The following TAFA2 variants were observed in gnomAD, a reference collection of about 807,000 sequenced individuals.
TAFA2 encodes chemokine-like protein TAFA-2.
In TAFA2, 7 loss-of-function variants were observed where a neutral mutation model predicts 18.8. That is an observed-to-expected ratio of 0.37 (90% CI 0.21 to 0.70). The LOEUF is 0.70. Among genes scored for constraint, TAFA2 ranks in the 30% least tolerant of loss-of-function variants. The probability of loss-of-function intolerance (pLI) is 0.53; values close to 1 mark genes in which losing one functional copy is unlikely to be tolerated. For missense variants in TAFA2, 122 were observed against 158.1 expected (o/e 0.77, Z 1.23); for synonymous variants, 60 against 54.2 (o/e 1.11, Z -0.47).
chr12:61,897,364 G>A (rs568211056), intron 1 of TAFA2, among the ~76,000 whole-genome samples: 83 of 152,088 alleles, frequency 5.5e-4, no homozygotes, highest in African/African-American at 1.3e-3. Flanking sequence ...TGTAGGTTCC[G>A]CAACCATGAT....
rs770633473 is a variant in TAFA2, at chr12:62,122,624, A to G, written c.-2+68635T>C. Among the ~76,000 whole-genome samples the G allele has an allele frequency of 1.0e-3, 158 of 152,308 alleles. 1 individual carries two copies. The highest frequency in any genetic ancestry group is 1.8e-3 in the Non-Finnish European group (121 of 68,024). On this transcript the variant is annotated intron_variant, in intron 1 of 4. Coordinates refer to ENST00000416284, the MANE Select transcript of TAFA2 (RefSeq NM_178539.5). ...ATTTTCTGATGAACCCAAGATTCCA[A>G]TGTATTACATAGTCCATATATACCC...
At chr12:62,031,446 C>A (rs1195325454) in intron 1 of TAFA2, among the ~76,000 whole-genome samples, 1 of 151,906 alleles carries the variant, frequency 6.6e-6, no homozygotes, top group Non-Finnish European at 1.5e-5. Flanking sequence ...TATTGTGGGA[C>A]CCCGTGATCA....
At chr12:62,091,348 GAT>G (rs1428284646) in intron 1 of TAFA2, among the ~76,000 whole-genome samples, 2 of 151,886 alleles carry the variant, frequency 1.3e-5, no homozygotes, top group African/African-American at 4.8e-5. Flanking sequence ...GTATGTAGTA[GAT>G]ATGTATCTAC....
At chr12:61,906,614 T>C (rs1483960122) in intron 1 of TAFA2, among the ~76,000 whole-genome samples, 1 of 151,986 alleles carries the variant, frequency 6.6e-6, no homozygotes, top group African/African-American at 2.4e-5. Flanking sequence ...TACCCGAAAA[T>C]GTGGAAGTGA....
intron 1 of TAFA2, among the ~76,000 whole-genome samples, chr12:62,120,059 T>C (rs1408609343): frequency 1.3e-5 from 2 of 150,388 alleles, no homozygotes; most frequent in African/African-American, 2.5e-5. Flanking sequence ...CGAAACTCCA[T>C]CTCAAAAAAA....
chr12:62,090,206 C>T (rs1868651126), intron 1 of TAFA2, among the ~76,000 whole-genome samples: 1 of 151,996 alleles, frequency 6.6e-6, no homozygotes, highest in African/African-American at 2.4e-5. Flanking sequence ...TCTAGTCCAG[C>T]AGAGTTAAAC....
At chr12:61,885,090 A>G (rs1341204065) in intron 1 of TAFA2, among the ~76,000 whole-genome samples, 3 of 152,224 alleles carry the variant, frequency 2.0e-5, no homozygotes, top group Non-Finnish European at 2.9e-5. Flanking sequence ...ATAATTCAAT[A>G]CAGTGAGTAA....
intron 1 of TAFA2, among the ~76,000 whole-genome samples, chr12:62,080,401 G>A (rs76855968): frequency 0.057 from 8,730 of 152,132 alleles, 321 homozygotes; most frequent in Non-Finnish European, 0.073. Context: ...TACAGGGGGT[G>A]AAAATCTTGG....
chr12:62,091,436 A>G (rs1449676797), intron 1 of TAFA2, among the ~76,000 whole-genome samples: 1 of 151,996 alleles, frequency 6.6e-6, no homozygotes, highest in Non-Finnish European at 1.5e-5. Flanking sequence ...CTATACTTAA[A>G]TACATGGAAC....
intron 1 of TAFA2, among the ~76,000 whole-genome samples, chr12:62,229,504 G>T (rs2062802882): frequency 6.6e-6 from 1 of 151,968 alleles, no homozygotes; most frequent in South Asian, 2.1e-4. Flanking sequence ...TTCTGTTAAG[G>T]TAATGCATAT....
At chr12:61,885,148 G>C (rs1875318765) in intron 1 of TAFA2, among the ~76,000 whole-genome samples, 1 of 152,160 alleles carries the variant, frequency 6.6e-6, no homozygotes, top group Non-Finnish European at 1.5e-5. Flanking sequence ...GGCTCAGAGG[G>C]ATGAAGTGAC....
At chr12:61,738,000 T>C (rs71465107) in intron 4 of TAFA2, among the ~76,000 whole-genome samples, 2 of 152,008 alleles carry the variant, frequency 1.3e-5, no homozygotes, top group Non-Finnish European at 2.9e-5. Context: ...CATATTTTGG[T>C]TAAAATGTAC....
rs561289898 is a variant in TAFA2 at position 62,142,784 on chromosome 12, T to C, written c.-2+48475A>G. ...AAAACTCCAATGAAAAAGATCCACCTTTTGTCAAAGCAGTGTGTCACAGAT... is the reference window on the plus strand; with the variant it reads ...AAAACTCCAATGAAAAAGATCCACCCTTTGTCAAAGCAGTGTGTCACAGAT... On this transcript the variant is annotated intron_variant, in intron 1 of 4. Coordinates refer to ENST00000416284, the MANE Select transcript of TAFA2 (RefSeq NM_178539.5). 3.0e-3 allele frequency among the ~76,000 whole-genome samples: 462 copies of C among 152,354 alleles called. 2 individuals carry two copies. The highest frequency in any genetic ancestry group is 5.1e-3 in the Non-Finnish European group (344 of 68,032).
At chr12:62,204,457 G>T (rs1012631084) in intron 1 of TAFA2, among the ~76,000 whole-genome samples, 1 of 151,834 alleles carries the variant, frequency 6.6e-6, no homozygotes, top group Non-Finnish European at 1.5e-5. Flanking sequence ...TCTCTTTCAG[G>T]TAGTGCAATC....
intron 1 of TAFA2, among the ~76,000 whole-genome samples, chr12:62,069,222 A>G (rs1259383359): frequency 6.6e-6 from 1 of 152,140 alleles, no homozygotes; most frequent in East Asian, 1.9e-4. Context: ...TTTTTAGTTT[A>G]TCTGTGACCC....
intron 2 of TAFA2, among the ~76,000 whole-genome samples, chr12:61,816,339 G>A (rs957036901): frequency 6.6e-6 from 1 of 151,352 alleles, no homozygotes; most frequent in African/African-American, 2.5e-5. Context: ...CCATGTTCCT[G>A]CAAAAGACAT....
chr12:62,026,411 T>G (rs1881312739), intron 1 of TAFA2, among the ~76,000 whole-genome samples: 2 of 152,094 alleles, frequency 1.3e-5, no homozygotes, highest in South Asian at 4.1e-4. Context: ...GCTTTTTTCT[T>G]GCTGATACAA....
chr12:62,069,530 C>T lies in TAFA2; in HGVS notation c.-2+121729G>A, dbSNP rs539903981. Among the ~76,000 whole-genome samples the T allele has an allele frequency of 2.0e-5, 3 of 152,234 alleles. No homozygotes were observed. In the South Asian group the frequency reaches 6.2e-4, roughly 32 times the overall value. ...AACTGTATTTCAATAGCATGAACAA[C>T]TCCCAATGGTACATGAAAAATGGAC... On this transcript the variant is annotated intron_variant, in intron 1 of 4. Transcript: ENST00000416284.
intron 1 of TAFA2, among the ~76,000 whole-genome samples, chr12:61,894,271 A>G (rs1875750018): frequency 6.6e-6 from 1 of 152,206 alleles, no homozygotes; most frequent in Admixed American, 6.5e-5. Flanking sequence ...CTGTGCCATA[A>G]CGTACATCAT....
Sources: allele counts gnomAD v4.1 joint callset (sites outside exome capture counted in the v4.1 genomes callset), GRCh38; gene constraint gnomAD v4.1.1; transcripts MANE v1.5; gene names NCBI Gene and HGNC (gene_info 2026-07-23, HGNC 2026-07-21).